RELN: variants seen among roughly 807,000 people sequenced by gnomAD.
The protein encoded by RELN is reelin.
RELN carries 108 observed loss-of-function variants against 427.6 expected under a neutral mutation model. That is an observed-to-expected ratio of 0.25 (90% CI 0.22 to 0.30). The LOEUF is 0.30. RELN is among the 10% of genes least tolerant of loss of function. The pLI is 1.00. For synonymous variants in RELN, 1,524 were observed against 1,513.4 expected (o/e 1.01, Z -0.16); for missense variants, 3,715 against 4,302.8 (o/e 0.86, Z 3.82).
At position 103,495,734 on chromosome 7, in the gene RELN, T is replaced by C. The variant is rs749631180; in HGVS notation, c.9358A>G (p.Met3120Val). 1 of 1,614,094 alleles carries C rather than the reference T, an allele frequency of 6.2e-7. No homozygotes were observed. Among genetic ancestry groups the C allele is most frequent in the Admixed American group, 1.7e-5 (1 of 60,024 alleles). ...RELIIQPGYM[M>V]QFKIVVGCEA... ...CCACTTTTCCTTACTTTAAACTGCA[T>C]CATGTATCCTGGCTGTATAATGAGT... Residue 3120 changes from methionine to valine, a missense_variant, in exon 57 of 65, where the codon ATG becomes GTG. This residue lies in a region of RELN where 1,310 missense variants were observed against 1,643.0 expected (regional missense o/e 0.80). Transcript: ENST00000428762.
At chr7:103,624,294 AT>A (rs1832280355) in intron 20 of RELN, among the ~76,000 whole-genome samples, 1 of 151,932 alleles carries the variant, frequency 6.6e-6, no homozygotes, top group South Asian at 2.1e-4. Flanking sequence ...TGTTCTCTTC[AT>A]TTTACACCTC....
chr7:103,967,321 C>T (rs922428413), intron 1 of RELN, among the ~76,000 whole-genome samples: 1 of 152,090 alleles, frequency 6.6e-6, no homozygotes, highest in Non-Finnish European at 1.5e-5. Flanking sequence ...TTACAAAGCC[C>T]TACAAGAAAC....
chr7:103,473,259 G>A lies in RELN; in HGVS notation c.10287-351C>T, dbSNP rs7780531. ...ATTTACTTAGGTACCTTTCATTTGAGAAGTGTGCTCTATACCCATTGCCTT... is the reference window on the plus strand; with the variant it reads ...ATTTACTTAGGTACCTTTCATTTGAAAAGTGTGCTCTATACCCATTGCCTT... On this transcript the variant is annotated intron_variant, in intron 64 of 64. Transcript: ENST00000428762. Among the ~76,000 whole-genome samples the A allele has an allele frequency of 7.8e-3, 1,188 of 152,276 alleles. 11 individuals are homozygous for A. Among genetic ancestry groups the A allele is most frequent in the African/African-American group, 0.027 (1,126 of 41,540 alleles).
At chr7:103,540,489 T>C (rs1338852758) in intron 43 of RELN, 34 bp from the exon 44 acceptor site, 16 of 1,609,152 alleles carry the variant, frequency 9.9e-6, no homozygotes, top group Non-Finnish European at 1.4e-5. Context: ...AGACTTTCAC[T>C]TCCAAAAGAA....
At chr7:103,516,819 TTTCC>T (rs1281517210) in intron 49 of RELN, among the ~76,000 whole-genome samples, 1 of 152,298 alleles carries the variant, frequency 6.6e-6, no homozygotes, top group South Asian at 2.1e-4. Flanking sequence ...TGATTTTATT[TTTCC>T]TTCCTTTTTT....
chr7:103,972,179 T>C (rs1420501744), intron 1 of RELN, among the ~76,000 whole-genome samples: 1 of 152,244 alleles, frequency 6.6e-6, no homozygotes, highest in African/African-American at 2.4e-5. Flanking sequence ...TTTGTGTGCA[T>C]CCATATACTG....
At chr7:103,595,279 C>A (rs996892476) in intron 25 of RELN, among the ~76,000 whole-genome samples, 1 of 152,166 alleles carries the variant, frequency 6.6e-6, no homozygotes, top group African/African-American at 2.4e-5. Flanking sequence ...CAGTTTGGCA[C>A]CATTATCAAT....
intron 2 of RELN, among the ~76,000 whole-genome samples, chr7:103,912,258 T>C (rs906924086): frequency 1.8e-4 from 27 of 151,384 alleles, no homozygotes; most frequent in African/African-American, 6.1e-4. Context: ...TGCAATGGTG[T>C]GATCTCGGCT....
intron 8 of RELN, among the ~76,000 whole-genome samples, chr7:103,719,252 C>T (rs1041366260): frequency 1.3e-5 from 2 of 152,064 alleles, no homozygotes; most frequent in African/African-American, 2.4e-5. Flanking sequence ...TAGGAGGGCA[C>T]GCATGTTCCC....
chr7:103,602,789 C>A (rs1238923564), intron 24 of RELN, among the ~76,000 whole-genome samples: 1 of 151,980 alleles, frequency 6.6e-6, no homozygotes, highest in East Asian at 1.9e-4. Context: ...ATGTAACAAA[C>A]CTGCACGTTC....
In RELN at chr7:103,682,154, T is replaced by C. The variant is rs756318850; in HGVS notation, c.1251A>G (p.Gln417=). The change falls in exon 11 of 65, where the codon CAA becomes CAG. Residue 417 remains glutamine, a synonymous_variant. Coordinates refer to ENST00000428762, the MANE Select transcript of RELN (RefSeq NM_005045.4). The stretch of plus-strand genomic sequence containing the variant: ...TCTCAAATTCTTCTGACCATTGCTC[T>C]TGAATATCTTCTGTGGAAAGATCTA... ...RDVDLSTEDI[Q]EQWSEEFESQ... 4 of 1,613,964 alleles carry C rather than the reference T, an allele frequency of 2.5e-6. No homozygotes were observed. The highest frequency in any genetic ancestry group is 1.7e-6 in the Non-Finnish European group (2 of 1,179,892).
chr7:103,498,744 C>T (rs28489996), intron 53 of RELN, among the ~76,000 whole-genome samples: 1,636 of 152,122 alleles, frequency 0.011, 31 homozygotes, highest in African/African-American at 0.038. Flanking sequence ...TGCCCACCTC[C>T]GCCTCCCAGA....
chr7:103,792,513 T>TA, intron 3 of RELN, among the ~76,000 whole-genome samples: 2 of 120,450 alleles, frequency 1.7e-5, no homozygotes. Flanking sequence ...ATGTCCAGAA[T>TA]AGGCAATTCT....
At chr7:103,754,684 G>C (rs2116091887) in intron 4 of RELN, among the ~76,000 whole-genome samples, 1 of 152,290 alleles carries the variant, frequency 6.6e-6, no homozygotes, top group South Asian at 2.1e-4. Flanking sequence ...GCTGAGGCAG[G>C]AGGATCACCT....
chr7:103,490,723 T>G lies in RELN; in HGVS notation c.9550A>C (p.Asn3184His). ...GTGATTCTTTTCCAGCTTGAGCTGT[T>G]GACAGAGTTGTAGATGGTGGCTTCA... ...FHEATIYNSVNSSSWKRITIQ... is the reference protein window; with the variant it reads ...FHEATIYNSVHSSSWKRITIQ... The change falls in exon 59 of 65, where the codon AAC (asparagine) becomes CAC (histidine). Residue 3184 changes from asparagine to histidine, a missense_variant. Transcript: ENST00000428762. 1 of 1,614,218 alleles carries G rather than the reference T, an allele frequency of 6.2e-7. No homozygotes were observed. The highest frequency in any genetic ancestry group is 8.5e-7 in the Non-Finnish European group (1 of 1,180,028).
rs887217546 is a variant in RELN, at chr7:103,833,450, C to T, written c.473+87G>A. 1.3e-5 allele frequency: 16 copies of T among 1,243,924 alleles called. No homozygotes were observed. The African/African-American group carries it at 2.2e-4, about 17-fold the overall frequency. The allele number at this position is 1,243,924 out of a possible 1,614,324, so 77.1% of individuals were successfully genotyped here. A position where few individuals can be genotyped will look rare whatever the true frequency, so the allele number is the denominator to read the frequency against. On this transcript the variant is annotated intron_variant, in intron 3 of 64. Transcript: ENST00000428762. ...TAGGGTTAAACCTGTCAAAATAAAA[C>T]ACTTAAATAGTTACTCTATATGTAA...
At chr7:103,660,891 A>G (rs1833125541) in intron 12 of RELN, among the ~76,000 whole-genome samples, 1 of 152,164 alleles carries the variant, frequency 6.6e-6, no homozygotes, top group Non-Finnish European at 1.5e-5. Context: ...ACTTATGAAC[A>G]CATGTTTTTC....
intron 38 of RELN, among the ~76,000 whole-genome samples, chr7:103,554,675 A>G (rs1830487100): frequency 6.6e-6 from 1 of 152,054 alleles, no homozygotes; most frequent in South Asian, 2.1e-4. Context: ...AATGCTGTGT[A>G]TATAATGTAT....
At chr7:103,810,757 G>A (rs921835094) in intron 3 of RELN, among the ~76,000 whole-genome samples, 5 of 152,154 alleles carry the variant, frequency 3.3e-5, no homozygotes, top group African/African-American at 1.2e-4. Context: ...GGTCATTGTA[G>A]CAATAACAAC....
Sources: gnomAD v4.1 joint callset for allele counts (sites outside exome capture counted in the v4.1 genomes callset) on GRCh38, gnomAD v4.1.1 for gene constraint, gnomAD v4.1.1 regional missense constraint, MANE v1.5 for transcripts, NCBI Gene and HGNC (gene_info 2026-07-23, HGNC 2026-07-21) for gene names.